Variants in TSHZ2 observed in about 807,000 individuals in gnomAD.
The protein encoded by TSHZ2 is teashirt homolog 2.
In TSHZ2, 21 loss-of-function variants were observed where a neutral mutation model predicts 74.4. The observed-to-expected ratio is 0.28, with a 90% confidence interval of 0.20 to 0.41. TSHZ2 has a LOEUF of 0.41. Among genes scored for constraint, TSHZ2 ranks in the 10% least tolerant of loss-of-function variants. The probability of loss-of-function intolerance (pLI) is 1.00; values close to 1 mark genes in which losing one functional copy is unlikely to be tolerated. For synonymous variants in TSHZ2, 540 were observed against 515.3 expected, an observed-to-expected ratio of 1.05 and a Z score of -0.65; for missense variants, 1,244 against 1,293.5, an observed-to-expected ratio of 0.96 and a Z score of 0.59.
At chr20:53,379,556 C>T (rs1028477546) in intron 2 of TSHZ2, among the ~76,000 whole-genome samples, 1 of 151,832 alleles carries the variant, frequency 6.6e-6, no homozygotes, top group African/African-American at 2.4e-5. Context: ...GTTTGCAGAG[C>T]GGAAGAGATG....
intron 2 of TSHZ2, among the ~76,000 whole-genome samples, chr20:53,388,523 G>A (rs1395468942): frequency 2.0e-5 from 3 of 152,036 alleles, no homozygotes; most frequent in African/African-American, 4.8e-5. Flanking sequence ...AGTCACAGTC[G>A]CAGGAGAAAA....
chr20:53,233,384 C>G (rs1242161770), intron 1 of TSHZ2, among the ~76,000 whole-genome samples: 1 of 152,112 alleles, frequency 6.6e-6, no homozygotes, highest in Non-Finnish European at 1.5e-5. Flanking sequence ...TCCCATGAGA[C>G]TATGTAAGAA....
chr20:53,104,770 A>G (rs1986316260), intron 1 of TSHZ2, among the ~76,000 whole-genome samples: 1 of 152,250 alleles, frequency 6.6e-6, no homozygotes, highest in Admixed American at 6.5e-5. Context: ...CCTCTTAAAG[A>G]TGAACCGATC....
intron 1 of TSHZ2, among the ~76,000 whole-genome samples, chr20:53,030,306 A>G (rs1010748921): frequency 1.3e-5 from 2 of 151,900 alleles, no homozygotes; most frequent in African/African-American, 4.8e-5. Context: ...CACAGACGAC[A>G]CTATTCTCAA....
chr20:53,432,173 G>A (rs1201994496), intron 2 of TSHZ2, among the ~76,000 whole-genome samples: 3 of 152,122 alleles, frequency 2.0e-5, no homozygotes, highest in Non-Finnish European at 4.4e-5. Context: ...CATTCTGCAT[G>A]CCTTCACTCA....
rs115330275 is a variant in TSHZ2, at chr20:53,445,113, G to A, written c.*9-42031G>A. Among the ~76,000 whole-genome samples, 945 of 152,264 alleles carry A rather than the reference G, an allele frequency of 6.2e-3. 7 individuals carry two copies. Among genetic ancestry groups the A allele is most frequent in the African/African-American group, 0.022 (914 of 41,534 alleles). On this transcript the variant is annotated intron_variant, in intron 2 of 2. Coordinates refer to ENST00000371497, the MANE Select transcript of TSHZ2 (RefSeq NM_173485.6). The stretch of plus-strand genomic sequence containing the variant: ...AAAATAAAGGCAGGAGGGATGAGAG[G>A]GAGAAACTTGAAGTGTAAGGAACTT...
In TSHZ2 at chr20:53,380,163, T is replaced by TGTGCGC. The variant is rs3971382; in HGVS notation, c.*9-106980_*9-106979insTGCGCG. Among the ~76,000 whole-genome samples, 198 of 151,054 alleles carry TGTGCGC rather than the reference T, an allele frequency of 1.3e-3. 1 individual carries two copies. The highest frequency in any genetic ancestry group is 4.6e-3 in the African/African-American group (186 of 40,680). ...GAGTGTGTGTGTGTGTGTGTGTGTG[T>TGTGCGC]GCACACGCATGTGTGTTATAAAAGG... On this transcript the variant is annotated intron_variant, in intron 2 of 2. Coordinates refer to ENST00000371497, the MANE Select transcript of TSHZ2 (RefSeq NM_173485.6).
At chr20:53,229,993 G>A (rs1421057556) in intron 1 of TSHZ2, among the ~76,000 whole-genome samples, 5 of 138,268 alleles carry the variant, frequency 3.6e-5, no homozygotes, top group African/African-American at 2.7e-5. Flanking sequence ...GAAAGAGGAA[G>A]GAAGACAGAA....
At chr20:53,357,469 A>G (rs1980887739) in intron 2 of TSHZ2, among the ~76,000 whole-genome samples, 1 of 152,148 alleles carries the variant, frequency 6.6e-6, no homozygotes, top group African/African-American at 2.4e-5. Flanking sequence ...GTTCAAGACC[A>G]GCCTGGGCAA....
At chr20:53,331,108 T>G (rs1352764278) in intron 2 of TSHZ2, among the ~76,000 whole-genome samples, 1 of 152,190 alleles carries the variant, frequency 6.6e-6, no homozygotes, top group Non-Finnish European at 1.5e-5. Context: ...TAATGTTTGC[T>G]TGTGTTGAGT....
intron 2 of TSHZ2, among the ~76,000 whole-genome samples, chr20:53,441,261 TTTTA>T (rs1984309900): frequency 7.4e-6 from 1 of 134,848 alleles, no homozygotes; most frequent in African/African-American, 3.4e-5. Context: ...TTTTATTTTA[TTTTA>T]TTTTATTTTA....
Position 53,254,360 on chromosome 20 carries a change from A to G in TSHZ2, c.902A>G (p.Gln301Arg). 6.2e-7 allele frequency: 1 copy of G among 1,614,190 alleles called. No individual in the cohort carries two copies. The highest frequency in any genetic ancestry group is 8.5e-7 in the Non-Finnish European group (1 of 1,180,022). ...SVHMIKTKHY[Q>R]KVPLKEPVPT... is the part of the protein sequence containing the mutation. Reference sequence around the variant, plus strand: ...CACATGATTAAAACAAAACATTACCAAAAAGTGCCTTTGAAGGAGCCAGTC... The same window carrying G: ...CACATGATTAAAACAAAACATTACCGAAAAGTGCCTTTGAAGGAGCCAGTC... The change falls in exon 2 of 3, where the codon CAA (glutamine) becomes CGA (arginine). Residue 301 changes from glutamine (Q) to arginine (R), a missense_variant. Gln to Arg is a conservative substitution (Grantham distance 43). Transcript: ENST00000371497.
intron 1 of TSHZ2, among the ~76,000 whole-genome samples, chr20:53,065,673 C>T (rs1038971459): frequency 6.6e-6 from 1 of 152,174 alleles, no homozygotes; most frequent in African/African-American, 2.4e-5. Flanking sequence ...GGAAATCTTG[C>T]TGTGGAATAC....
chr20:53,020,190 A>G (rs957562650), intron 1 of TSHZ2, among the ~76,000 whole-genome samples: 6 of 152,178 alleles, frequency 3.9e-5, no homozygotes, highest in Non-Finnish European at 8.8e-5. Context: ...ACAATTCAGA[A>G]TGAGATTCGG....
At chr20:53,240,006 C>A (rs1990028328) in intron 1 of TSHZ2, among the ~76,000 whole-genome samples, 1 of 152,066 alleles carries the variant, frequency 6.6e-6, no homozygotes, top group Non-Finnish European at 1.5e-5. Flanking sequence ...CATGAAATTT[C>A]AAAGTACAAA....
At position 53,419,090 on chromosome 20, in the gene TSHZ2, G is replaced by A. The variant is rs182263272; in HGVS notation, c.*9-68054G>A. On this transcript the variant is annotated intron_variant, in intron 2 of 2. Transcript: ENST00000371497. Reference sequence around the variant, plus strand: ...AAGCTAGATCCATCGGGAAGTTGGCGCTAATTGTTAGATCTAAGAGGAAAA... The same window carrying A: ...AAGCTAGATCCATCGGGAAGTTGGCACTAATTGTTAGATCTAAGAGGAAAA... 3.3e-5 allele frequency among the ~76,000 whole-genome samples: 5 copies of A among 152,318 alleles called. No homozygotes were observed. In the East Asian group the frequency reaches 5.8e-4, roughly 18 times the overall value.
intron 1 of TSHZ2, among the ~76,000 whole-genome samples, chr20:53,066,358 C>A (rs1028378068): frequency 4.6e-5 from 7 of 152,128 alleles, no homozygotes; most frequent in African/African-American, 1.7e-4. Flanking sequence ...ACTGCTTCTC[C>A]TTCACTGCCC....
rs1052503317 is a variant in TSHZ2 at position 53,488,695 on chromosome 20, T to C, written c.*1560T>C. On this transcript the variant is annotated 3_prime_UTR_variant, in exon 3 of 3. Transcript: ENST00000371497. ...AAAGGAATATTTTCTGTTGTTGCTT[T>C]AATTACCAAGGTTATTTTTTTTTAA... 1 of 279,074 alleles carries C rather than the reference T, an allele frequency of 3.6e-6. No homozygotes were observed. The highest frequency in any genetic ancestry group is 6.9e-6 in the Non-Finnish European group (1 of 144,238). The allele number at this position is 279,074 out of a possible 1,614,324, so 17.3% of individuals were successfully genotyped here.
At chr20:53,443,175 A>G (rs1453360971) in intron 2 of TSHZ2, among the ~76,000 whole-genome samples, 1 of 152,092 alleles carries the variant, frequency 6.6e-6, no homozygotes, top group Non-Finnish European at 1.5e-5. Context: ...TTTTTTCTGC[A>G]TACAAGTGGT....
Sources: allele counts gnomAD v4.1 joint callset (sites outside exome capture counted in the v4.1 genomes callset), GRCh38; gene constraint gnomAD v4.1.1; transcripts MANE v1.5; gene names NCBI Gene and HGNC (gene_info 2026-07-23, HGNC 2026-07-21).